The following PITPNM3 variants were observed in gnomAD, a reference collection of about 807,000 sequenced individuals.
PITPNM3 encodes PITPNM family member 3.
In PITPNM3, 26 loss-of-function variants were observed where a neutral mutation model predicts 102.0. That is an observed-to-expected ratio of 0.25 (90% CI 0.19 to 0.35). The LOEUF is 0.35. Among genes scored for constraint, PITPNM3 ranks in the 10% least tolerant of loss-of-function variants. The pLI is 1.00. For missense variants in PITPNM3, 1,083 were observed against 1,346.1 expected, an observed-to-expected ratio of 0.80 and a Z score of 3.06; for synonymous variants, 578 against 558.6, an observed-to-expected ratio of 1.03 and a Z score of -0.49.
At chr17:6,529,602 A>G (rs1457428557) in intron 2 of PITPNM3, among the ~76,000 whole-genome samples, 1 of 152,052 alleles carries the variant, frequency 6.6e-6, no homozygotes, top group Non-Finnish European at 1.5e-5. Flanking sequence ...CAAAAAAAAA[A>G]AAAAATCTCC....
chr17:6,485,615 G>A (rs955145066), intron 4 of PITPNM3, among the ~76,000 whole-genome samples: 5 of 152,200 alleles, frequency 3.3e-5, no homozygotes, highest in East Asian at 1.9e-4. Context: ...TCCAGGGAAG[G>A]TAGACTCCCA....
At chr17:6,538,503 C>T (rs59762962) in intron 1 of PITPNM3, among the ~76,000 whole-genome samples, 5,394 of 152,222 alleles carry the variant, frequency 0.035, 247 homozygotes, top group African/African-American at 0.1. Context: ...CTCATAAGTG[C>T]CACCACCTTA....
intron 1 of PITPNM3, among the ~76,000 whole-genome samples, chr17:6,539,264 A>AG (rs991082669): frequency 2.6e-5 from 4 of 152,294 alleles, no homozygotes; most frequent in African/African-American, 4.8e-5. Flanking sequence ...ATTTACTGCA[A>AG]GGGGGGTCTG....
At chr17:6,534,370 C>T (rs72830332) in intron 2 of PITPNM3, among the ~76,000 whole-genome samples, 1,851 of 152,328 alleles carry the variant, frequency 0.012, 13 homozygotes, top group Middle Eastern at 0.037. Flanking sequence ...CCCTCCCATG[C>T]CTTCCATACA....
intron 18 of PITPNM3, among the ~76,000 whole-genome samples, chr17:6,461,139 A>C (rs1250473844): frequency 6.6e-6 from 1 of 152,224 alleles, no homozygotes; most frequent in African/African-American, 2.4e-5. Context: ...ATAAAGGACG[A>C]AAGTCTGACT....
rs1455558821 is a variant in PITPNM3 at position 6,478,715 on chromosome 17, A to C, written c.609T>G (p.Asp203Glu). The C allele has an allele frequency of 6.3e-7, 1 of 1,588,520 alleles. No individual in the cohort carries two copies. The highest frequency in any genetic ancestry group is 8.6e-7 in the Non-Finnish European group (1 of 1,167,618). Residue 203 changes from aspartate (D) to glutamate (E), a missense_variant, in exon 7 of 20, where the codon GAT (aspartate) becomes GAG (glutamate). Physicochemically the swap from Asp to Glu is conservative, Grantham distance 45 (BLOSUM62 2). Transcript: ENST00000262483. The surrounding 1 kb of genome is among the most constrained non-coding windows in gnomAD (Gnocchi z 4.4). ...CCTGGCTGCTGCTGAGGCAGCCCTC[A>C]TCGTGGCTGTAGGGGTTCAGGCTGC... ...LVSHLNPYSH[D>E]EGCLSSSQDH...
At chr17:6,519,829 C>A (rs1213965659) in intron 3 of PITPNM3, among the ~76,000 whole-genome samples, 59 of 148,710 alleles carry the variant, frequency 4.0e-4, no homozygotes, top group African/African-American at 1.4e-3. Flanking sequence ...GACTCTGTCT[C>A]CAAAAAAAAA....
At chr17:6,501,645 G>T (rs1404301789) in intron 4 of PITPNM3, among the ~76,000 whole-genome samples, 1 of 151,972 alleles carries the variant, frequency 6.6e-6, no homozygotes, top group Non-Finnish European at 1.5e-5. Flanking sequence ...GCTTTGGGGG[G>T]CTCAGTCCAC....
chr17:6,533,040 G>A (rs894788484), intron 2 of PITPNM3, among the ~76,000 whole-genome samples: 1 of 152,036 alleles, frequency 6.6e-6, no homozygotes, highest in Non-Finnish European at 1.5e-5. Context: ...TCAGCTCATC[G>A]CCACCTCTGC....
intron 1 of PITPNM3, among the ~76,000 whole-genome samples, chr17:6,540,848 G>A (rs940626682): frequency 3.9e-5 from 6 of 152,050 alleles, no homozygotes; most frequent in African/African-American, 9.7e-5. Flanking sequence ...TAGTAGAGAC[G>A]GGGTTTCACC....
At chr17:6,548,280 C>G (rs1910133651) in intron 1 of PITPNM3, among the ~76,000 whole-genome samples, 1 of 152,212 alleles carries the variant, frequency 6.6e-6, no homozygotes, top group East Asian at 1.9e-4. Flanking sequence ...TGCCAAAGCA[C>G]AGTGCCAGGA....
intron 3 of PITPNM3, among the ~76,000 whole-genome samples, chr17:6,509,547 G>T (rs2150618899): frequency 6.6e-6 from 1 of 152,236 alleles, no homozygotes; most frequent in African/African-American, 2.4e-5. Context: ...GGGAGCCCTG[G>T]CCAGGCTCCG....
chr17:6,509,104 T>C (rs540954337), intron 3 of PITPNM3, among the ~76,000 whole-genome samples: 17 of 152,296 alleles, frequency 1.1e-4, no homozygotes, highest in South Asian at 8.3e-4. Context: ...AGGCAGAGTT[T>C]TGTCATGCAC....
rs902305187 is a variant in PITPNM3 at position 6,556,390 on chromosome 17, C to G, written c.17G>C (p.Arg6Pro). 1.0e-5 allele frequency: 14 copies of G among 1,380,394 alleles called. No individual in the cohort carries two copies. Among genetic ancestry groups the G allele is most frequent in the Middle Eastern group, 2.7e-4 (1 of 3,756 alleles). The allele number at this position is 1,380,394 out of a possible 1,614,324, so 85.5% of individuals were successfully genotyped here. The change falls in exon 1 of 20, where the codon CGT (arginine) becomes CCT (proline). Residue 6 changes from arginine (R) to proline (P), a missense_variant. Arg to Pro is a moderately radical substitution (Grantham distance 103, BLOSUM62 -2). Coordinates refer to ENST00000262483, the MANE Select transcript of PITPNM3 (RefSeq NM_031220.4). The surrounding 1 kb of genome is among the most constrained non-coding windows in gnomAD (Gnocchi z 5.2). ...CTCCCCGCGCCCGCCCTCACCTGCA[C>G]GGCCCGCCTTGGCCATGTCCCGGGC... The part of the protein sequence containing the change: MAKAG[R>P]AGGPPPGGGA...
chr17:6,484,021 G>A (rs1486629415), intron 5 of PITPNM3, among the ~76,000 whole-genome samples, 195 bp downstream of exon 5: 1 of 152,156 alleles, frequency 6.6e-6, no homozygotes, highest in East Asian at 1.9e-4. Flanking sequence ...GGGATGTCAG[G>A]GCAGGAAGAG....
intron 2 of PITPNM3, among the ~76,000 whole-genome samples, chr17:6,527,102 AAAC>A (rs141077918): frequency 0.17 from 25,321 of 152,206 alleles, 2,317 homozygotes; most frequent in East Asian, 0.21. Context: ...CCTATCTTTT[AAAC>A]AACAATAACG....
At chr17:6,512,387 G>C (rs1333777764) in intron 3 of PITPNM3, among the ~76,000 whole-genome samples, 3 of 152,324 alleles carry the variant, frequency 2.0e-5, no homozygotes, top group Middle Eastern at 6.8e-3. Flanking sequence ...AATGTGGAAG[G>C]AAGATGTCCA....
chr17:6,470,012 G>A lies in PITPNM3; in HGVS notation c.1773+248C>T, dbSNP rs527251960. The stretch of plus-strand genomic sequence containing the variant: ...TTGAAACACTGGGACACTCTCCTGC[G>A]TAGTTTATATTTAATTTTCTAGAGT... On this transcript the variant is annotated intron_variant, in intron 13 of 19. Transcript: ENST00000262483. This position sits in a 1 kb window ranked among gnomAD's most constrained non-coding sequence, Gnocchi z 4.8. Among the ~76,000 whole-genome samples the A allele has an allele frequency of 1.0e-3, 158 of 152,290 alleles. 1 individual carries two copies. The highest frequency in any genetic ancestry group is 3.7e-3 in the African/African-American group (152 of 41,550).
rs541058652 is a variant in PITPNM3, at chr17:6,537,346, G to A, written c.118+641C>T. ...CAACCTCTGCCTCCCGGGTCCAAGC[G>A]ATTCTCCCGCCTCAGCTTCCCCAGT... is the stretch of plus-strand genomic sequence containing the variant. On this transcript the variant is annotated intron_variant, in intron 2 of 19. Transcript: ENST00000262483. This position sits in a 1 kb window ranked among gnomAD's most constrained non-coding sequence, Gnocchi z 4.4. Among the ~76,000 whole-genome samples the A allele has an allele frequency of 7.4e-5, 11 of 149,216 alleles. No individual in the cohort carries two copies. Among genetic ancestry groups the A allele is most frequent in the Non-Finnish European group, 1.5e-4 (10 of 67,688 alleles).
Sources: allele counts gnomAD v4.1 joint callset (sites outside exome capture counted in the v4.1 genomes callset), GRCh38; gene constraint gnomAD v4.1.1; non-coding constraint Gnocchi (gnomAD v3.1); transcripts MANE v1.5; gene names NCBI Gene and HGNC (gene_info 2026-07-23, HGNC 2026-07-21).